Variants in DLGAP1 observed in about 807,000 individuals in gnomAD.
DLGAP1 encodes the protein DLG associated protein 1, also known as disks large-associated protein 1.
A neutral mutation model predicts 90.8 loss-of-function variants in DLGAP1; 11 were observed. The observed-to-expected ratio is 0.12, with a 90% confidence interval of 0.08 to 0.20. The LOEUF (loss-of-function observed/expected upper bound fraction) is 0.20. Among genes scored for constraint, DLGAP1 ranks in the 10% least tolerant of loss-of-function variants. The probability of loss-of-function intolerance (pLI) is 1.00; values close to 1 mark genes in which losing one functional copy is unlikely to be tolerated. For missense variants in DLGAP1, 1,050 were observed against 1,333.8 expected, an observed-to-expected ratio of 0.79 and a Z score of 3.31; for synonymous variants, 558 against 540.7, an observed-to-expected ratio of 1.03 and a Z score of -0.44.
intron 3 of DLGAP1, among the ~76,000 whole-genome samples, chr18:3,937,086 A>T (rs962471894): frequency 1.4e-4 from 21 of 152,358 alleles, no homozygotes; most frequent in Non-Finnish European, 2.6e-4. Flanking sequence ...TGGAGAGGCC[A>T]GCTTCTGAAA....
chr18:4,177,545 G>A (rs2077130706), intron 1 of DLGAP1, among the ~76,000 whole-genome samples: 1 of 152,112 alleles, frequency 6.6e-6, no homozygotes, highest in South Asian at 2.1e-4. Flanking sequence ...AGTGTTTGGT[G>A]TACAGATAAT....
intron 1 of DLGAP1, among the ~76,000 whole-genome samples, chr18:4,269,567 G>T (rs1025099184): frequency 6.6e-6 from 1 of 151,736 alleles, no homozygotes; most frequent in Non-Finnish European, 1.5e-5. Context: ...TGTTAGCCAG[G>T]ATGGTCTCGA....
chr18:3,813,199 G>A (rs976126466), intron 5 of DLGAP1, among the ~76,000 whole-genome samples: 1 of 152,138 alleles, frequency 6.6e-6, no homozygotes, highest in East Asian at 1.9e-4. Flanking sequence ...TAATATGGTT[G>A]TCCCATAAGA....
At chr18:3,874,823 T>C in intron 4 of DLGAP1, 1 of 1,345,324 alleles carries the variant, frequency 7.4e-7, no homozygotes, top group Non-Finnish European at 9.6e-7. Flanking sequence ...AAGGAGTCCC[T>C]TTTTTTATTA....
At chr18:3,975,231 A>G (rs1282337381) in intron 3 of DLGAP1, among the ~76,000 whole-genome samples, 4 of 152,134 alleles carry the variant, frequency 2.6e-5, no homozygotes, top group African/African-American at 9.7e-5. Flanking sequence ...TACATATGCA[A>G]AACAAACACT....
intron 4 of DLGAP1, among the ~76,000 whole-genome samples, chr18:3,841,453 G>C (rs1478346896): frequency 1.3e-5 from 2 of 152,154 alleles, no homozygotes; most frequent in East Asian, 3.8e-4. Context: ...AACACTGGCA[G>C]GCAGTGAGAA....
intron 2 of DLGAP1, among the ~76,000 whole-genome samples, chr18:4,110,029 CACAG>C (rs2075945190): frequency 9.5e-5 from 4 of 41,902 alleles, no homozygotes; most frequent in African/African-American, 8.5e-4. Flanking sequence ...AAAAAGGATA[CACAG>C]ATACACAGTC....
At chr18:3,720,908 A>AAAAAAAAAAAAAAAAC in intron 7 of DLGAP1, among the ~76,000 whole-genome samples, 1 of 149,758 alleles carries the variant, frequency 6.7e-6, no homozygotes, top group Non-Finnish European at 1.5e-5. Context: ...AAAAAAAAAA[A>AAAAAAAAAAAAAAAAC]ATTAGCTGGG....
chr18:4,041,669 T>A (rs1380893624), intron 2 of DLGAP1, among the ~76,000 whole-genome samples: 1 of 152,150 alleles, frequency 6.6e-6, no homozygotes, highest in Non-Finnish European at 1.5e-5. Flanking sequence ...TCTTTCAATA[T>A]CCCACCCTTG....
At chr18:3,873,557 T>C (rs2070881583) in intron 4 of DLGAP1, among the ~76,000 whole-genome samples, 1 of 152,164 alleles carries the variant, frequency 6.6e-6, no homozygotes. Context: ...TAGTTTTAAC[T>C]GAATTGGGAG....
intron 1 of DLGAP1, among the ~76,000 whole-genome samples, chr18:4,299,104 A>AAAC (rs2080061936): frequency 3.8e-5 from 5 of 131,752 alleles, no homozygotes; most frequent in Non-Finnish European, 4.8e-5. Flanking sequence ...AAAAAAAAAA[A>AAAC]AAAAAATAGA....
intron 2 of DLGAP1, among the ~76,000 whole-genome samples, chr18:4,079,221 GA>G (rs1235099085): frequency 2.0e-5 from 3 of 151,366 alleles, no homozygotes; most frequent in Non-Finnish European, 4.4e-5. Context: ...AGGAGAGACA[GA>G]AAAGCAATGT....
chr18:3,762,931 C>T (rs2064036905), intron 5 of DLGAP1, among the ~76,000 whole-genome samples: 1 of 152,228 alleles, frequency 6.6e-6, no homozygotes. Context: ...GTGAGGAATA[C>T]AGAATGGCCA....
At chr18:3,527,709 G>A (rs573354238) in intron 10 of DLGAP1, among the ~76,000 whole-genome samples, 4 of 151,972 alleles carry the variant, frequency 2.6e-5, no homozygotes. Flanking sequence ...TCTCACCTCA[G>A]CCTCATGAGT....
intron 2 of DLGAP1, among the ~76,000 whole-genome samples, chr18:4,021,268 C>A (rs113749653): frequency 1.3e-5 from 2 of 152,180 alleles, no homozygotes; most frequent in African/African-American, 4.8e-5. Context: ...GGAGCAGTTA[C>A]ACCTGGTGGG....
intron 7 of DLGAP1, among the ~76,000 whole-genome samples, chr18:3,664,741 G>A (rs1310398656): frequency 6.6e-6 from 1 of 152,120 alleles, no homozygotes; most frequent in African/African-American, 2.4e-5. Context: ...GAGAACAAAG[G>A]GTAAGACTGC....
intron 7 of DLGAP1, chr18:3,606,999 G>A (rs927010740): frequency 3.3e-5 from 5 of 152,146 alleles, no homozygotes; most frequent in African/African-American, 7.2e-5. Context: ...CACCACACCT[G>A]GCTAATTTTA....
intron 1 of DLGAP1, among the ~76,000 whole-genome samples, chr18:4,252,426 G>C (rs906777460): frequency 6.6e-6 from 1 of 152,202 alleles, no homozygotes; most frequent in African/African-American, 2.4e-5. Flanking sequence ...ACTGAGAAAA[G>C]TATTTGAAGT....
chr18:3,565,253 A>T lies in DLGAP1; in HGVS notation c.2057+2237T>A, dbSNP rs913043603. The stretch of plus-strand genomic sequence containing the variant: ...AATCTCTGCCTCCTGGGTTAAAGGG[A>T]TTGTCCTGCCTCAGCCTCCCGAGTT... On this transcript the variant is annotated intron_variant, in intron 9 of 12. Transcript: ENST00000315677. The surrounding 1 kb of genome is among the most constrained non-coding windows in gnomAD (Gnocchi z 4.0). Among the ~76,000 whole-genome samples, 1 of 151,988 alleles carries T rather than the reference A, an allele frequency of 6.6e-6. No individual in the cohort carries two copies. The highest frequency in any genetic ancestry group is 2.4e-5 in the African/African-American group (1 of 41,396).
Sources: allele counts gnomAD v4.1 joint callset (sites outside exome capture counted in the v4.1 genomes callset), GRCh38; gene constraint gnomAD v4.1.1; non-coding constraint Gnocchi (gnomAD v3.1); transcripts MANE v1.5; gene names NCBI Gene and HGNC (gene_info 2026-07-23, HGNC 2026-07-21).